MREG: variants seen among roughly 807,000 people sequenced by gnomAD.
MREG encodes the protein melanoregulin.
Under a neutral mutation model 28.5 loss-of-function variants are expected in MREG, and 31 were observed. The observed-to-expected ratio is 1.09, with a 90% CI of 0.82 to 1.47. The LOEUF is 1.47. Ranked by LOEUF, MREG falls within the 40% of genes most tolerant of loss-of-function variation. The pLI, the probability that MREG is intolerant of heterozygous loss-of-function variation, is 0.00. For synonymous variants in MREG, 106 were observed against 95.2 expected, an observed-to-expected ratio of 1.11 and a Z score of -0.66; for missense variants, 256 against 257.4, an observed-to-expected ratio of 0.99 and a Z score of 0.04.
At chr2:215,940,759 A>G (rs902366044), downstream of MREG, among the ~76,000 whole-genome samples, 3 of 152,166 alleles carry the variant, frequency 2.0e-5, no homozygotes, top group East Asian at 3.8e-4. Flanking sequence ...GGGGAAAGGG[A>G]GAGATTTTAC....
intron 2 of MREG, among the ~76,000 whole-genome samples, chr2:215,954,073 G>A (rs1174417518): frequency 6.6e-6 from 1 of 152,110 alleles, no homozygotes; most frequent in Admixed American, 6.5e-5. Flanking sequence ...ACTTTATGGT[G>A]CCTCCCCTGA....
chr2:215,966,172 T>G (rs995379347), intron 2 of MREG, among the ~76,000 whole-genome samples: 9 of 152,140 alleles, frequency 5.9e-5, no homozygotes, highest in African/African-American at 2.2e-4. Flanking sequence ...CAGGGAGACA[T>G]CCTCAATGCC....
intron 2 of MREG, among the ~76,000 whole-genome samples, chr2:215,962,544 G>A (rs1412986621): frequency 5.3e-5 from 8 of 152,178 alleles, no homozygotes; most frequent in South Asian, 4.1e-4. Flanking sequence ...ATTCCTGCCC[G>A]TGGATAGAAA....
At chr2:215,982,984 G>A (rs544560886) in intron 2 of MREG, among the ~76,000 whole-genome samples, 6 of 152,264 alleles carry the variant, frequency 3.9e-5, no homozygotes, top group Admixed American at 1.3e-4. Context: ...ATCCTAGTAA[G>A]CTTGTTTATT....
At chr2:216,031,483 A>AAGAAAGAAAG (rs1173563336) in intron 1 of MREG, among the ~76,000 whole-genome samples, 1 of 135,424 alleles carries the variant, frequency 7.4e-6, no homozygotes. Flanking sequence ...AAGAGAAAGA[A>AAGAAAGAAAG]AGAAAGAAAG....
chr2:216,013,123 CT>C (rs1466067442), intron 1 of MREG, 109 bp downstream of exon 1: 1 of 945,002 alleles, frequency 1.1e-6, no homozygotes, highest in Non-Finnish European at 1.6e-6. Flanking sequence ...TCCGCGTGCC[CT>C]TCCAGCAAGC....
chr2:215,987,027 C>T (rs956244004), intron 2 of MREG, among the ~76,000 whole-genome samples: 1 of 152,060 alleles, frequency 6.6e-6, no homozygotes, highest in East Asian at 1.9e-4. Flanking sequence ...AAAAATAAAT[C>T]AACGTAAATA....
At chr2:215,940,025 T>G (rs574600158), downstream of MREG, among the ~76,000 whole-genome samples, 1 of 152,330 alleles carries the variant, frequency 6.6e-6, no homozygotes, top group African/African-American at 2.4e-5. Context: ...TTTAAATACT[T>G]AGAACATAGG....
At chr2:216,011,222 A>C (rs1024166124) in intron 1 of MREG, among the ~76,000 whole-genome samples, 1 of 152,180 alleles carries the variant, frequency 6.6e-6, no homozygotes, top group Non-Finnish European at 1.5e-5. Context: ...CAATCTTCAG[A>C]TGCCTTGTAT....
At chr2:216,024,025 G>C (rs1694560408) in intron 1 of MREG, among the ~76,000 whole-genome samples, 1 of 152,014 alleles carries the variant, frequency 6.6e-6, no homozygotes, top group South Asian at 2.1e-4. Flanking sequence ...AAAGTAGAGG[G>C]CCCTTTCAAG....
At chr2:216,006,163 A>G (rs1694148849) in intron 1 of MREG, among the ~76,000 whole-genome samples, 1 of 152,224 alleles carries the variant, frequency 6.6e-6, no homozygotes, top group Admixed American at 6.5e-5. Flanking sequence ...TGTGTAGGAG[A>G]AAGAAATTTC....
upstream of MREG, among the ~76,000 whole-genome samples, chr2:216,014,648 CA>C (rs33939793): frequency 0.023 from 3,117 of 135,474 alleles, 115 homozygotes; most frequent in African/African-American, 0.08. Flanking sequence ...GACTCCGTCT[CA>C]AAAAAAAAAA....
intron 2 of MREG, among the ~76,000 whole-genome samples, chr2:215,967,903 T>C (rs1188075257): frequency 6.6e-6 from 1 of 152,172 alleles, no homozygotes; most frequent in Non-Finnish European, 1.5e-5. Flanking sequence ...CTCTCAAAAA[T>C]GCCCACAACT....
intron 2 of MREG, among the ~76,000 whole-genome samples, chr2:215,968,660 T>C (rs960748974): frequency 6.6e-5 from 10 of 152,192 alleles, no homozygotes; most frequent in Non-Finnish European, 1.2e-4. Flanking sequence ...AATCAAAACT[T>C]ACTAGTCCTG....
At chr2:215,967,374 T>C (rs1692970380) in intron 2 of MREG, among the ~76,000 whole-genome samples, 2 of 152,214 alleles carry the variant, frequency 1.3e-5, no homozygotes, top group Admixed American at 6.5e-5. Flanking sequence ...TTTTAATATA[T>C]TTGAAAATTA....
chr2:216,016,862 A>G (rs79568636), upstream of MREG, among the ~76,000 whole-genome samples: 1,756 of 152,342 alleles, frequency 0.012, 31 homozygotes, highest in African/African-American at 0.04. Flanking sequence ...CAAGAGGTTA[A>G]TGTCCTGCCT....
intron 1 of MREG, among the ~76,000 whole-genome samples, chr2:216,025,124 C>A (rs578209834): frequency 6.6e-6 from 1 of 152,224 alleles, no homozygotes; most frequent in East Asian, 1.9e-4. Flanking sequence ...CATGAAAATG[C>A]ACATCTCATT....
At chr2:216,001,363 C>A (rs1156372349) in intron 1 of MREG, among the ~76,000 whole-genome samples, 2 of 152,210 alleles carry the variant, frequency 1.3e-5, no homozygotes, top group Non-Finnish European at 2.9e-5. Flanking sequence ...CTCTGCCTAG[C>A]CACTGATATT....
At chr2:215,992,919 A>T (rs1221986634) in intron 2 of MREG, among the ~76,000 whole-genome samples, 1 of 152,222 alleles carries the variant, frequency 6.6e-6, no homozygotes, top group African/African-American at 2.4e-5. Context: ...AAGAGAGGAC[A>T]CAAACAAACA....
Sources: allele counts gnomAD v4.1 joint callset (sites outside exome capture counted in the v4.1 genomes callset), GRCh38; gene constraint gnomAD v4.1.1; transcripts MANE v1.5; gene names NCBI Gene and HGNC (gene_info 2026-07-23, HGNC 2026-07-21).